Variants in DMD observed in about 807,000 individuals in gnomAD.
DMD encodes dystrophin.
In DMD, 63 loss-of-function variants were observed where a neutral mutation model predicts 330.1. The observed-to-expected ratio is 0.19, with a 90% CI of 0.16 to 0.24. The LOEUF is 0.24. Among genes scored for constraint, DMD ranks in the 10% least tolerant of loss-of-function variants. The pLI is 1.00. For synonymous variants in DMD, 1,223 were observed against 959.8 expected (o/e 1.27, Z -5.07); for missense variants, 3,344 against 2,684.1 (o/e 1.25, Z -5.43).
At chrX:33,205,242 T>C (rs2051501178) in intron 1 of DMD, among the ~76,000 whole-genome samples, 1 of 112,809 alleles carries the variant, frequency 8.9e-6, no homozygotes, top group African/African-American at 3.2e-5. Flanking sequence ...ATTTTTTCAC[T>C]TACTCAACTA....
intron 19 of DMD, among the ~76,000 whole-genome samples, chrX:32,499,039 A>T (rs1332950976): frequency 8.9e-6 from 1 of 112,140 alleles, no homozygotes; most frequent in Middle Eastern, 4.2e-3. Context: ...TTAGAAACGG[A>T]CAGAAATCAT....
At chrX:32,388,552 A>C (rs1207259260) in intron 32 of DMD, among the ~76,000 whole-genome samples, 1 of 109,754 alleles carries the variant, frequency 9.1e-6, no homozygotes, top group Admixed American at 9.8e-5. Flanking sequence ...TTCACACATA[A>C]ATATATGTAT....
At chrX:32,342,616 A>C in intron 40 of DMD, 1 of 288,805 alleles carries the variant, frequency 3.5e-6, no homozygotes, top group Non-Finnish European at 6.1e-6. Flanking sequence ...TCCACATAGA[A>C]TATAATTTAG....
intron 44 of DMD, among the ~76,000 whole-genome samples, chrX:32,111,673 C>T (rs1356831271): frequency 9.0e-6 from 1 of 111,237 alleles, no homozygotes; most frequent in African/African-American, 3.3e-5. Context: ...TTTTGGTTAT[C>T]ATATCAAGTC....
intron 9 of DMD, among the ~76,000 whole-genome samples, chrX:32,664,238 G>GT (rs59135933): frequency 0.034 from 2,983 of 86,706 alleles, 74 homozygotes; most frequent in African/African-American, 0.05. Flanking sequence ...CCTGGCATAG[G>GT]TTTTTTTTTT....
intron 7 of DMD, among the ~76,000 whole-genome samples, chrX:32,760,164 T>C (rs2072086294): frequency 8.9e-6 from 1 of 111,939 alleles, no homozygotes; most frequent in Non-Finnish European, 1.9e-5. Context: ...GAGATGTACA[T>C]ACCCAATTAT....
intron 44 of DMD, among the ~76,000 whole-genome samples, chrX:32,188,141 ATTTG>A (rs1287360970): frequency 6.3e-5 from 7 of 110,355 alleles, no homozygotes; most frequent in Non-Finnish European, 1.3e-4. Context: ...CTTATAGGTC[ATTTG>A]TTTGACCTTT....
chrX:32,069,867 C>T (rs972701338), intron 44 of DMD, among the ~76,000 whole-genome samples: 4 of 111,708 alleles, frequency 3.6e-5, no homozygotes, highest in African/African-American at 1.3e-4. Context: ...ACATTCATTA[C>T]CTGCATTCCA....
At chrX:31,321,050 A>T (rs1018861168) in intron 62 of DMD, among the ~76,000 whole-genome samples, 5 of 111,605 alleles carry the variant, frequency 4.5e-5, no homozygotes, top group African/African-American at 1.6e-4. Context: ...GAGTGGGTTG[A>T]TAGGGCATAT....
chrX:32,906,010 G>T (rs1421369553), intron 2 of DMD, among the ~76,000 whole-genome samples: 1 of 112,138 alleles, frequency 8.9e-6, no homozygotes, highest in East Asian at 2.8e-4. Flanking sequence ...ATAACTGTCT[G>T]ATTGCTCAGA....
rs2065627633 is a variant in DMD, at chrX:31,450,279, G to A, written c.8938-5652C>T. Among the ~76,000 whole-genome samples, 5 of 111,723 alleles carry A rather than the reference G, an allele frequency of 4.5e-5. No individual in the cohort carries two copies. The Admixed American group carries it at 4.8e-4, about 11-fold the overall frequency. ...TGGTTCAGGGAAGCCCTCACAGAATGCAATTACCCGGGAATTGGCAGCAGG... is the reference window on the plus strand; with the variant it reads ...TGGTTCAGGGAAGCCCTCACAGAATACAATTACCCGGGAATTGGCAGCAGG... On this transcript the variant is annotated intron_variant, in intron 59 of 78. Coordinates refer to ENST00000357033, the MANE Select transcript of DMD (RefSeq NM_004006.3).
intron 41 of DMD, among the ~76,000 whole-genome samples, chrX:32,326,278 G>T (rs747387223): frequency 3.2e-4 from 36 of 111,777 alleles, no homozygotes; most frequent in Non-Finnish European, 6.4e-4. Context: ...ATAAAAAGCA[G>T]GCAGTTAAAA....
intron 9 of DMD, among the ~76,000 whole-genome samples, chrX:32,687,201 C>A (rs1422493361): frequency 8.9e-6 from 1 of 111,951 alleles, no homozygotes; most frequent in Non-Finnish European, 1.9e-5. Context: ...ACAAGCTTAC[C>A]TAAAACAAGT....
chrX:31,893,384 C>T (rs191770655), intron 47 of DMD, among the ~76,000 whole-genome samples: 222 of 111,379 alleles, frequency 2.0e-3, no homozygotes, highest in Non-Finnish European at 3.3e-3. Context: ...CTCTAGCCAC[C>T]GTCCTCCAAG....
At chrX:32,276,658 G>A (rs1025341548) in intron 43 of DMD, among the ~76,000 whole-genome samples, 2 of 111,375 alleles carry the variant, frequency 1.8e-5, no homozygotes, top group African/African-American at 3.3e-5. Context: ...GGTGGCTCAC[G>A]CCTGTAATCC....
At chrX:32,176,843 T>C (rs995905190) in intron 44 of DMD, among the ~76,000 whole-genome samples, 1 of 111,430 alleles carries the variant, frequency 9.0e-6, no homozygotes, top group African/African-American at 3.3e-5. Flanking sequence ...TTTTCAAAGG[T>C]ATCTCAAAAT....
In DMD at chrX:32,523,922, C is replaced by A. The variant is rs922355997; in HGVS notation, c.2169-5791G>T. Among the ~76,000 whole-genome samples, 4 of 103,702 alleles carry A rather than the reference C, an allele frequency of 3.9e-5. No individual in the cohort carries two copies. The South Asian group carries it at 1.8e-3, about 46-fold the overall frequency. The allele number at this position is 103,702 out of a possible 115,157, so 90.1% of individuals were successfully genotyped here. A position where few individuals can be genotyped will look rare whatever the true frequency, so the allele number is the denominator to read the frequency against. Reference sequence around the variant, plus strand: ...GTTTGAAAGTAAATAATTTTCATTCCAAAAGAAATCTTTTTTTTTTTTTTT... The same window carrying A: ...GTTTGAAAGTAAATAATTTTCATTCAAAAAGAAATCTTTTTTTTTTTTTTT... On this transcript the variant is annotated intron_variant, in intron 17 of 78. Transcript: ENST00000357033.
chrX:33,025,467 TG>T (rs980421889), intron 1 of DMD, among the ~76,000 whole-genome samples: 31 of 104,913 alleles, frequency 3.0e-4, no homozygotes, highest in Admixed American at 2.5e-3. Flanking sequence ...ATTTAAAAAC[TG>T]GGGGAAAAAA....
intron 59 of DMD, among the ~76,000 whole-genome samples, chrX:31,473,229 C>G (rs1215709378): frequency 4.7e-5 from 5 of 107,396 alleles, no homozygotes; most frequent in Non-Finnish European, 9.6e-5. Flanking sequence ...ATTAGCCAGG[C>G]GTGGTGGCAC....
Sources: allele counts gnomAD v4.1 joint callset (sites outside exome capture counted in the v4.1 genomes callset), GRCh38; gene constraint gnomAD v4.1.1; transcripts MANE v1.5; gene names NCBI Gene and HGNC (gene_info 2026-07-23, HGNC 2026-07-21).